The following FOXP1 variants were observed in gnomAD, a reference collection of about 807,000 sequenced individuals.
FOXP1 encodes the protein forkhead box P1.
A neutral mutation model predicts 98.2 loss-of-function variants in FOXP1; 15 were observed. The observed-to-expected ratio is 0.15, with a 90% CI of 0.10 to 0.24. FOXP1 has a LOEUF of 0.24. Among genes scored for constraint, FOXP1 ranks in the 10% least tolerant of loss-of-function variants. The pLI, the probability that FOXP1 is intolerant of heterozygous loss-of-function variation, is 1.00. For missense variants in FOXP1, 633 were observed against 848.5 expected (o/e 0.75, Z 3.15); for synonymous variants, 371 against 314.5 (o/e 1.18, Z -1.90).
intron 2 of FOXP1, among the ~76,000 whole-genome samples, chr3:71,503,354 A>G (rs1335778058): frequency 6.6e-6 from 1 of 152,200 alleles, no homozygotes; most frequent in East Asian, 1.9e-4. Flanking sequence ...TAAAGCCCCC[A>G]GCCCCCAAAT....
chr3:71,177,396 T>G (rs945674260), intron 6 of FOXP1, among the ~76,000 whole-genome samples: 2 of 152,146 alleles, frequency 1.3e-5, no homozygotes, highest in African/African-American at 2.4e-5. Flanking sequence ...GCAAGAAAAG[T>G]TGGGTTGAAG....
intron 2 of FOXP1, among the ~76,000 whole-genome samples, chr3:71,540,568 TAA>T (rs1281153628): frequency 2.6e-5 from 4 of 152,246 alleles, no homozygotes; most frequent in African/African-American, 9.6e-5. Flanking sequence ...GGCACCATGC[TAA>T]GTGTCTCATG....
chr3:71,525,569 G>T (rs532112801), intron 2 of FOXP1, among the ~76,000 whole-genome samples: 1 of 152,176 alleles, frequency 6.6e-6, no homozygotes. Flanking sequence ...TCTACACCCT[G>T]AACGAAGGTC....
chr3:71,183,203 C>T (rs76475259), intron 6 of FOXP1, among the ~76,000 whole-genome samples: 1 of 151,880 alleles, frequency 6.6e-6, no homozygotes, highest in Admixed American at 6.6e-5. Flanking sequence ...GATAAGAATA[C>T]CAAAAGTTGG....
chr3:71,450,149 C>G (rs779606036), intron 3 of FOXP1, among the ~76,000 whole-genome samples: 1 of 152,138 alleles, frequency 6.6e-6, no homozygotes, highest in African/African-American at 2.4e-5. Flanking sequence ...AAAAATCACA[C>G]CTGCGTATTA....
chr3:71,433,993 G>C (rs1480611121), intron 3 of FOXP1, among the ~76,000 whole-genome samples: 1 of 152,160 alleles, frequency 6.6e-6, no homozygotes, highest in African/African-American at 2.4e-5. Flanking sequence ...TCAAGTTTTA[G>C]TTTCGAAAAA....
chr3:71,415,956 G>C (rs2083179394), intron 3 of FOXP1, among the ~76,000 whole-genome samples: 1 of 152,118 alleles, frequency 6.6e-6, no homozygotes, highest in Admixed American at 6.5e-5. Flanking sequence ...CAAGATAATA[G>C]AAATCTGGGA....
intron 3 of FOXP1, among the ~76,000 whole-genome samples, chr3:71,440,751 G>C (rs1305900077): frequency 6.6e-6 from 1 of 151,678 alleles, no homozygotes; most frequent in Admixed American, 6.6e-5. Context: ...TGTGGTCCCA[G>C]CTACCCAGGA....
At position 71,396,933 on chromosome 3, in the gene FOXP1, TACAC is replaced by T. The variant is rs1553871310; in HGVS notation, c.-167-37693_-167-37690del. Among the ~76,000 whole-genome samples, 29 of 44,626 alleles carry T rather than the reference TACAC, an allele frequency of 6.5e-4. 2 individuals carry two copies. Among genetic ancestry groups the T allele is most frequent in the African/African-American group, 2.2e-3 (24 of 10,782 alleles). The allele number at this position is 44,626 out of a possible 152,430, so 29.3% of individuals were successfully genotyped here. On this transcript the variant is annotated intron_variant, in intron 3 of 20. Transcript: ENST00000649528. Reference sequence around the variant, plus strand: ...ATATATGTGTGTATATATATATATATACACATATATATATGTGTATATATATATA... The same window carrying T: ...ATATATGTGTGTATATATATATATATATATATATATGTGTATATATATATA...
chr3:71,568,929 G>T (rs1007846474), intron 2 of FOXP1, among the ~76,000 whole-genome samples: 2 of 152,208 alleles, frequency 1.3e-5, no homozygotes, highest in African/African-American at 4.8e-5. Flanking sequence ...TTACAGGCGT[G>T]AGCCACTGTG....
chr3:71,577,038 T>C (rs1005751347), intron 2 of FOXP1, among the ~76,000 whole-genome samples: 7 of 152,256 alleles, frequency 4.6e-5, no homozygotes, highest in East Asian at 3.9e-4. Context: ...ATCTGGTCAA[T>C]AGATTTCACG....
intron 4 of FOXP1, among the ~76,000 whole-genome samples, chr3:71,319,727 G>A (rs114143035): frequency 0.021 from 3,252 of 152,184 alleles, 122 homozygotes; most frequent in African/African-American, 0.074. Context: ...ATTTGGCAGA[G>A]TGCACCCTCC....
intron 4 of FOXP1, among the ~76,000 whole-genome samples, chr3:71,329,506 A>T (rs1490702657): frequency 6.6e-6 from 1 of 151,360 alleles, no homozygotes; most frequent in African/African-American, 2.4e-5. Flanking sequence ...GGCATAAGCC[A>T]CCGCGCCCGG....
intron 6 of FOXP1, among the ~76,000 whole-genome samples, chr3:71,124,665 A>C (rs2107848364): frequency 6.6e-6 from 1 of 151,740 alleles, no homozygotes; most frequent in Non-Finnish European, 1.5e-5. Flanking sequence ...GAAAAAAAAA[A>C]GAGAAACATA....
chr3:71,525,389 G>T (rs543043376), intron 2 of FOXP1, among the ~76,000 whole-genome samples: 3 of 152,076 alleles, frequency 2.0e-5, no homozygotes, highest in Admixed American at 2.0e-4. Flanking sequence ...AATTTCAGAC[G>T]AAAAAAAGGC....
intron 3 of FOXP1, among the ~76,000 whole-genome samples, chr3:71,477,215 ACCACCTAGCAAGTAGAAAAG>A (rs2089925729): frequency 6.6e-6 from 1 of 152,120 alleles, no homozygotes; most frequent in African/African-American, 2.4e-5. Flanking sequence ...AGGCCTCCCA[ACCACCTAGCAAGTAGAAAAG>A]TTCAAGGTGC....
intron 13 of FOXP1, among the ~76,000 whole-genome samples, chr3:70,991,600 G>C (rs976562824): frequency 6.6e-6 from 1 of 152,186 alleles, no homozygotes; most frequent in Non-Finnish European, 1.5e-5. Context: ...TCACTCGTGA[G>C]AAACAAAACT....
chr3:71,058,926 T>C (rs894269652), intron 7 of FOXP1, among the ~76,000 whole-genome samples: 1 of 151,736 alleles, frequency 6.6e-6, no homozygotes, highest in Non-Finnish European at 1.5e-5. Flanking sequence ...ATGTGGAAAG[T>C]AAAATTCTGT....
intron 2 of FOXP1, among the ~76,000 whole-genome samples, chr3:71,553,585 T>A (rs1443624231): frequency 2.6e-5 from 4 of 152,220 alleles, no homozygotes; most frequent in Non-Finnish European, 5.9e-5. Flanking sequence ...ATCTTTTTTT[T>A]ACCAACAACT....
Sources: gnomAD v4.1 joint callset for allele counts (sites outside exome capture counted in the v4.1 genomes callset) on GRCh38, gnomAD v4.1.1 for gene constraint, MANE v1.5 for transcripts, NCBI Gene and HGNC (gene_info 2026-07-23, HGNC 2026-07-21) for gene names.